IGSF21: variants seen among roughly 807,000 people sequenced by gnomAD.
IGSF21 encodes immunoglobulin superfamily member 21.
IGSF21 carries 28 observed loss-of-function variants against 46.8 expected under a neutral mutation model. The observed-to-expected ratio is 0.60, with a 90% CI of 0.44 to 0.82. The LOEUF (loss-of-function observed/expected upper bound fraction) is 0.82. IGSF21 is among the 40% of genes least tolerant of loss of function. The pLI, the probability that IGSF21 is intolerant of heterozygous loss-of-function variation, is 0.00. For missense variants in IGSF21, 624 were observed against 665.5 expected, an observed-to-expected ratio of 0.94 and a Z score of 0.69; for synonymous variants, 284 against 273.6, an observed-to-expected ratio of 1.04 and a Z score of -0.38.
At chr1:18,272,163 G>A (rs994414109) in intron 2 of IGSF21, among the ~76,000 whole-genome samples, 22 of 152,038 alleles carry the variant, frequency 1.4e-4, no homozygotes, top group Admixed American at 1.2e-3. Context: ...CAAGTGAAAG[G>A]GTTTTCCCCT....
At chr1:18,231,922 C>CGTGTGTGTGT (rs150869622) in intron 2 of IGSF21, among the ~76,000 whole-genome samples, 2,065 of 136,470 alleles carry the variant, frequency 0.015, 38 homozygotes, top group African/African-American at 0.026. Flanking sequence ...ATCATTAGAT[C>CGTGTGTGTGT]GTGTGTGTGT....
chr1:18,256,600 G>C (rs1209653083), intron 2 of IGSF21, among the ~76,000 whole-genome samples: 1 of 152,112 alleles, frequency 6.6e-6, no homozygotes, highest in Non-Finnish European at 1.5e-5. Context: ...TTTCCCAAGG[G>C]GGAAGGAAAG....
At chr1:18,198,658 C>T (rs950446719) in intron 1 of IGSF21, among the ~76,000 whole-genome samples, 10 of 151,916 alleles carry the variant, frequency 6.6e-5, no homozygotes, top group African/African-American at 1.9e-4. Context: ...CGGAGGAGGC[C>T]GGCAGTATAA....
At chr1:18,281,953 G>A (rs115048070) in intron 2 of IGSF21, among the ~76,000 whole-genome samples, 1,585 of 152,246 alleles carry the variant, frequency 0.01, 32 homozygotes, top group African/African-American at 0.036. Context: ...TCGGAGCAAA[G>A]AGCCTGGCTC....
intron 3 of IGSF21, among the ~76,000 whole-genome samples, chr1:18,319,851 C>T (rs1557641882): frequency 6.6e-6 from 1 of 152,142 alleles, no homozygotes; most frequent in Non-Finnish European, 1.5e-5. Context: ...CTAAATACAC[C>T]TGTAATCACC....
intron 4 of IGSF21, among the ~76,000 whole-genome samples, chr1:18,352,278 G>A (rs901322983): frequency 6.6e-6 from 1 of 152,116 alleles, no homozygotes; most frequent in East Asian, 1.9e-4. Context: ...ACATAATTTA[G>A]TGGTTCTTAG....
chr1:18,135,288 T>C (rs1236334195), intron 1 of IGSF21, among the ~76,000 whole-genome samples: 1 of 152,208 alleles, frequency 6.6e-6, no homozygotes, highest in Non-Finnish European at 1.5e-5. Context: ...TACTTTAAGT[T>C]TTAGGGTACA....
In IGSF21 at chr1:18,305,631, C is replaced by A. The variant is rs2085418569; in HGVS notation, c.305+13644C>A. On this transcript the variant is annotated intron_variant, in intron 3 of 9. Coordinates refer to ENST00000251296, the MANE Select transcript of IGSF21 (RefSeq NM_032880.5). ...ATGGATGGATGGATGGATGAGCTTC[C>A]AGATGAATCATCAGGTTTTTGCAGA... Among the ~76,000 whole-genome samples, 4 of 151,790 alleles carry A rather than the reference C, an allele frequency of 2.6e-5. No individual in the cohort carries two copies. The South Asian group carries it at 8.3e-4, about 32-fold the overall frequency.
chr1:18,293,433 C>A (rs1008001117), intron 3 of IGSF21, among the ~76,000 whole-genome samples: 1 of 152,126 alleles, frequency 6.6e-6, no homozygotes, highest in African/African-American at 2.4e-5. Flanking sequence ...GCTCCCCAGG[C>A]GGCCCGGCTG....
Position 18,108,050 on chromosome 1 carries a change from T to A in IGSF21, c.-79T>A, listed in dbSNP as rs1444355015. On this transcript the variant is annotated 5_prime_UTR_variant, in exon 1 of 10. Coordinates refer to ENST00000251296, the MANE Select transcript of IGSF21 (RefSeq NM_032880.5). Reference sequence around the variant, plus strand: ...GCCAGTGGCCGGAGGCAGGAGCGCGTCTGAGCCCATGGCGAGGGGACCCGC... The same window carrying A: ...GCCAGTGGCCGGAGGCAGGAGCGCGACTGAGCCCATGGCGAGGGGACCCGC... 1.3e-5 allele frequency: 8 copies of A among 612,440 alleles called. No individual in the cohort carries two copies. Among genetic ancestry groups the A allele is most frequent in the Middle Eastern group, 5.3e-4 (1 of 1,898 alleles). 37.9% of individuals were successfully genotyped at this position (612,440 alleles called of 1,614,324 possible).
intron 1 of IGSF21, among the ~76,000 whole-genome samples, chr1:18,219,534 G>T (rs1250118582): frequency 7.3e-6 from 1 of 136,854 alleles, no homozygotes; most frequent in Non-Finnish European, 1.5e-5. Context: ...GCCAGGTGCA[G>T]AGAGATAGCA....
At chr1:18,148,766 G>A (rs12742611) in intron 1 of IGSF21, among the ~76,000 whole-genome samples, 9 of 152,094 alleles carry the variant, frequency 5.9e-5, no homozygotes, top group Admixed American at 1.3e-4. Flanking sequence ...TCATATCATC[G>A]CTTATTTCAT....
intron 1 of IGSF21, among the ~76,000 whole-genome samples, chr1:18,120,553 C>T (rs564755913): frequency 7.2e-5 from 11 of 152,258 alleles, no homozygotes; most frequent in South Asian, 2.1e-4. Flanking sequence ...AAATGCTCTA[C>T]GATGCTCATT....
chr1:18,254,056 C>A (rs1213953438), intron 2 of IGSF21, among the ~76,000 whole-genome samples: 1 of 152,146 alleles, frequency 6.6e-6, no homozygotes, highest in African/African-American at 2.4e-5. Flanking sequence ...ATCTTTCAAA[C>A]CACCCTGGGA....
chr1:18,138,160 C>T (rs1165829103), intron 1 of IGSF21, among the ~76,000 whole-genome samples: 1 of 152,212 alleles, frequency 6.6e-6, no homozygotes, highest in African/African-American at 2.4e-5. Flanking sequence ...CTGGGATTAA[C>T]AGAGCCAGAG....
At chr1:18,258,377 G>C in intron 2 of IGSF21, among the ~76,000 whole-genome samples, 1 of 152,228 alleles carries the variant, frequency 6.6e-6, no homozygotes, top group East Asian at 1.9e-4. Context: ...ACCACCAATG[G>C]TAAGGTGGAC....
intron 3 of IGSF21, among the ~76,000 whole-genome samples, chr1:18,305,571 GATGGATT>G (rs749556002): frequency 0.037 from 4,204 of 114,626 alleles, 128 homozygotes; most frequent in Non-Finnish European, 0.055. Context: ...TGGATGGATG[GATGGATT>G]ATGGATGGAT....
intron 1 of IGSF21, among the ~76,000 whole-genome samples, chr1:18,206,775 T>C (rs1004961150): frequency 7.2e-5 from 11 of 152,176 alleles, no homozygotes; most frequent in Non-Finnish European, 1.6e-4. Context: ...TTCAGTATGA[T>C]GGGAGCTACC....
At chr1:18,360,913 C>T (rs562920000) in intron 4 of IGSF21, among the ~76,000 whole-genome samples, 2 of 152,220 alleles carry the variant, frequency 1.3e-5, no homozygotes, top group South Asian at 2.1e-4. Flanking sequence ...TGGTGGTGAC[C>T]GAGCTGAGAT....
Sources: gnomAD v4.1 joint callset for allele counts (sites outside exome capture counted in the v4.1 genomes callset) on GRCh38, gnomAD v4.1.1 for gene constraint, MANE v1.5 for transcripts, NCBI Gene and HGNC (gene_info 2026-07-23, HGNC 2026-07-21) for gene names.